The following CTNNA2 variants were observed in gnomAD, a reference collection of about 807,000 sequenced individuals.
CTNNA2 encodes catenin alpha-2.
A neutral mutation model predicts 101.0 loss-of-function variants in CTNNA2; 42 were observed. The ratio of observed to expected loss-of-function variants is 0.42; its 90% CI spans 0.32 to 0.54. CTNNA2 has a LOEUF of 0.54. Among genes scored for constraint, CTNNA2 ranks in the 20% least tolerant of loss-of-function variants. The pLI is 0.14. For synonymous variants in CTNNA2, 450 were observed against 456.4 expected (o/e 0.99, Z 0.18); for missense variants, 871 against 1,223.1 (o/e 0.71, Z 4.29).
intron 2 of CTNNA2, among the ~76,000 whole-genome samples, chr2:79,728,353 A>G (rs572064285): frequency 1.5e-4 from 23 of 152,104 alleles, no homozygotes; most frequent in Non-Finnish European, 2.9e-4. Context: ...TTTTCACTGT[A>G]TCTTTTGGCT....
intron 7 of CTNNA2, among the ~76,000 whole-genome samples, chr2:80,098,757 G>A (rs948166273): frequency 1.1e-4 from 16 of 152,198 alleles, no homozygotes; most frequent in African/African-American, 3.9e-4. Context: ...ATCTCAGACT[G>A]CTGTGCTAGC....
intron 7 of CTNNA2, among the ~76,000 whole-genome samples, chr2:80,315,108 G>A (rs957154619): frequency 6.6e-6 from 1 of 152,260 alleles, no homozygotes; most frequent in Admixed American, 6.5e-5. Context: ...TTTCTACTAT[G>A]CCAGGGCAAA....
At chr2:80,558,395 G>A (rs1693232227) in intron 12 of CTNNA2, among the ~76,000 whole-genome samples, 1 of 152,010 alleles carries the variant, frequency 6.6e-6, no homozygotes, top group South Asian at 2.1e-4. Context: ...GGAGTTTGAG[G>A]ATGACCACAG....
In CTNNA2 at chr2:79,335,384, G is replaced by C. The variant is rs181081983; in HGVS notation, c.-318+22588G>C. On this transcript the variant is annotated intron_variant, in intron 3 of 21. Transcript: ENST00000466387. The stretch of plus-strand genomic sequence containing the variant: ...GACTCACAGCAAAATCAGTGACTAA[G>C]CCAGATCTAGAGGTCACATCGTCAT... Among the ~76,000 whole-genome samples, 518 of 152,260 alleles carry C rather than the reference G, an allele frequency of 3.4e-3. 8 individuals carry two copies. The highest frequency in any genetic ancestry group is 0.027 in the Middle Eastern group (8 of 294).
intron 1 of CTNNA2, among the ~76,000 whole-genome samples, chr2:79,643,171 C>T (rs1293850508): frequency 6.6e-6 from 1 of 151,906 alleles, no homozygotes; most frequent in Non-Finnish European, 1.5e-5. Flanking sequence ...AGCCTGGCAA[C>T]AGAGCAAGGC....
chr2:79,328,711 T>C (rs535799825), intron 3 of CTNNA2, among the ~76,000 whole-genome samples: 1 of 152,102 alleles, frequency 6.6e-6, no homozygotes, highest in Non-Finnish European at 1.5e-5. Context: ...GGAAAGAAAG[T>C]CCTATTACAA....
At chr2:79,616,877 C>T (rs1678655674) in intron 1 of CTNNA2, among the ~76,000 whole-genome samples, 1 of 151,624 alleles carries the variant, frequency 6.6e-6, no homozygotes, top group Non-Finnish European at 1.5e-5. Context: ...CCTCTTCTTT[C>T]TCCCCAATAA....
chr2:79,219,535 TAAG>T (rs1428921843), intron 2 of CTNNA2, among the ~76,000 whole-genome samples: 1 of 152,186 alleles, frequency 6.6e-6, no homozygotes, highest in Non-Finnish European at 1.5e-5. Flanking sequence ...CTTGTGAGGT[TAAG>T]GTCACTTTAA....
At chr2:80,011,743 G>A (rs1272242636) in intron 7 of CTNNA2, among the ~76,000 whole-genome samples, 1 of 152,066 alleles carries the variant, frequency 6.6e-6, no homozygotes, top group African/African-American at 2.4e-5. Flanking sequence ...TTCTTTCTCT[G>A]TTTTTCCCAT....
intron 8 of CTNNA2, among the ~76,000 whole-genome samples, chr2:80,417,760 A>C (rs1680168304): frequency 6.6e-6 from 1 of 152,096 alleles, no homozygotes; most frequent in Non-Finnish European, 1.5e-5. Context: ...TCTTTCTGGC[A>C]TGCTTTCAGT....
Position 80,302,273 on chromosome 2 carries a change from G to A in CTNNA2, c.1057-90938G>A. On this transcript the variant is annotated intron_variant, in intron 7 of 18. Transcript: ENST00000402739. This position sits in a 1 kb window ranked among gnomAD's most constrained non-coding sequence, Gnocchi z 6.4. ...CAATCACACCTCGCATTCCCTCGCG[G>A]GCTGCTGGTGGCAGGTACACGAGCC... is the stretch of plus-strand genomic sequence containing the variant. 1 of 1,613,820 alleles carries A rather than the reference G, an allele frequency of 6.2e-7. No homozygotes were observed. The highest frequency in any genetic ancestry group is 8.5e-7 in the Non-Finnish European group (1 of 1,179,848).
rs575996529 is a variant in CTNNA2 at position 80,522,292 on chromosome 2, A to T, written c.1291-22690A>T. 2.0e-5 allele frequency among the ~76,000 whole-genome samples: 3 copies of T among 152,202 alleles called. No homozygotes were observed. The South Asian group carries it at 6.2e-4, about 32-fold the overall frequency. ...AAAAGAGAGTCTTAATGAGTGCTGCAGTCTTCTGTAGCAAGAGGATGGGAG... is the reference window on the plus strand; with the variant it reads ...AAAAGAGAGTCTTAATGAGTGCTGCTGTCTTCTGTAGCAAGAGGATGGGAG... On this transcript the variant is annotated intron_variant, in intron 9 of 18. Coordinates refer to ENST00000402739, the MANE Select transcript of CTNNA2 (RefSeq NM_001282597.3).
chr2:79,703,094 A>G (rs1416347464), intron 2 of CTNNA2, among the ~76,000 whole-genome samples: 3 of 152,246 alleles, frequency 2.0e-5, no homozygotes, highest in Non-Finnish European at 4.4e-5. Flanking sequence ...GAAACACAGA[A>G]GAGAAATCTG....
intron 3 of CTNNA2, 96 bp from the exon 4 acceptor site, chr2:79,857,917 G>T (rs1404381076): frequency 1.5e-6 from 2 of 1,307,690 alleles, no homozygotes; most frequent in Non-Finnish European, 2.1e-6. Flanking sequence ...TCAGAGTTTT[G>T]CAATAAAAAC....
chr2:80,287,514 TGAC>T (rs1674873435), intron 7 of CTNNA2, among the ~76,000 whole-genome samples: 1 of 152,162 alleles, frequency 6.6e-6, no homozygotes, highest in Non-Finnish European at 1.5e-5. Flanking sequence ...AAAGTAATGA[TGAC>T]GAGGATGACA....
chr2:79,466,261 C>T (rs948490798), intron 4 of CTNNA2, among the ~76,000 whole-genome samples: 2 of 152,180 alleles, frequency 1.3e-5, no homozygotes, highest in African/African-American at 4.8e-5. Context: ...GGTCCCATGC[C>T]CATGGAGACT....
intron 7 of CTNNA2, among the ~76,000 whole-genome samples, chr2:80,087,041 A>G (rs1462494344): frequency 2.0e-5 from 3 of 152,050 alleles, no homozygotes; most frequent in Non-Finnish European, 1.5e-5. Flanking sequence ...CCCTAATCCT[A>G]TTATAAGACA....
chr2:80,408,904 A>T lies in CTNNA2; in HGVS notation c.1138-10545A>T, dbSNP rs539191982. Among the ~76,000 whole-genome samples, 4 of 152,286 alleles carry T rather than the reference A, an allele frequency of 2.6e-5. No individual in the cohort carries two copies. In the South Asian group the frequency reaches 8.3e-4, roughly 32 times the overall value. ...CAACCAGAGGATCCTCTCTTTCCTCATCTAAACAACACAAATAACGATGCT... is the reference window on the plus strand; with the variant it reads ...CAACCAGAGGATCCTCTCTTTCCTCTTCTAAACAACACAAATAACGATGCT... On this transcript the variant is annotated intron_variant, in intron 8 of 18. Coordinates refer to ENST00000402739, the MANE Select transcript of CTNNA2 (RefSeq NM_001282597.3).
chr2:79,307,261 T>C (rs1425809613), intron 2 of CTNNA2, among the ~76,000 whole-genome samples: 1 of 152,202 alleles, frequency 6.6e-6, no homozygotes, highest in African/African-American at 2.4e-5. Context: ...ATCCTCCTTC[T>C]AGCTATTTGA....
Sources: gnomAD v4.1 joint callset for allele counts (sites outside exome capture counted in the v4.1 genomes callset) on GRCh38, gnomAD v4.1.1 for gene constraint, Gnocchi (gnomAD v3.1) non-coding constraint, MANE v1.5 for transcripts, NCBI Gene and HGNC (gene_info 2026-07-23, HGNC 2026-07-21) for gene names.